The following ITIH5 variants were observed in gnomAD, a reference collection of about 807,000 sequenced individuals.
ITIH5 encodes inter-alpha-trypsin inhibitor heavy chain 5, also known as inter-alpha-trypsin inhibitor heavy chain H5.
A neutral mutation model predicts 77.5 loss-of-function variants in ITIH5; 65 were observed. The observed-to-expected ratio is 0.84, with a 90% confidence interval of 0.69 to 1.03. The LOEUF is 1.03. ITIH5 is among the 50% of genes least tolerant of loss of function. ITIH5 has a pLI of 0.00. For missense variants in ITIH5, 1,208 were observed against 1,213.1 expected (o/e 1.00, Z 0.06); for synonymous variants, 525 against 494.3 (o/e 1.06, Z -0.82).
intron 2 of ITIH5, among the ~76,000 whole-genome samples, chr10:7,642,347 A>G (rs1391452586): frequency 6.6e-6 from 1 of 152,218 alleles, no homozygotes; most frequent in African/African-American, 2.4e-5. Flanking sequence ...TAACAAGTGA[A>G]CACAGTGAAG....
Position 7,631,218 on chromosome 10 carries a change from C to T in ITIH5, c.652+6010G>A, listed in dbSNP as rs527513367. ...ATCGGCAGCTATTTGATTTCATTGGCATGGGTGAGGCTTAAGCAATAGATT... is the reference window on the plus strand; with the variant it reads ...ATCGGCAGCTATTTGATTTCATTGGTATGGGTGAGGCTTAAGCAATAGATT... On this transcript the variant is annotated intron_variant, in intron 5 of 13. Coordinates refer to ENST00000397146, the MANE Select transcript of ITIH5 (RefSeq NM_030569.7). Among the ~76,000 whole-genome samples the T allele has an allele frequency of 3.3e-5, 5 of 152,212 alleles. No homozygotes were observed. In the South Asian group the frequency reaches 1.0e-3, roughly 32 times the overall value.
At chr10:7,661,488 A>G (rs1834276251) in intron 1 of ITIH5, among the ~76,000 whole-genome samples, 1 of 152,144 alleles carries the variant, frequency 6.6e-6, no homozygotes, top group Admixed American at 6.5e-5. Flanking sequence ...ATGAGATGCC[A>G]TTTATCATGT....
chr10:7,614,427 C>T (rs1364317798), intron 7 of ITIH5, among the ~76,000 whole-genome samples: 2 of 152,212 alleles, frequency 1.3e-5, no homozygotes, highest in East Asian at 3.8e-4. Flanking sequence ...GCTTTGAATG[C>T]AGCCCAACAC....
intron 2 of ITIH5, among the ~76,000 whole-genome samples, chr10:7,650,736 C>CA (rs375912133): frequency 0.03 from 3,481 of 116,294 alleles, 59 homozygotes; most frequent in Non-Finnish European, 0.037. Flanking sequence ...AACTCCATCT[C>CA]AAAAAAAAAA....
chr10:7,624,863 ATGTATATATG>A (rs1422427732), intron 5 of ITIH5, among the ~76,000 whole-genome samples: 7 of 93,058 alleles, frequency 7.5e-5, no homozygotes, highest in South Asian at 3.6e-4. Context: ...ATGTGTATAT[ATGTATATATG>A]TATGTATATA....
chr10:7,590,874 G>C (rs763685222), intron 7 of ITIH5, among the ~76,000 whole-genome samples: 4 of 152,130 alleles, frequency 2.6e-5, no homozygotes, highest in Admixed American at 1.3e-4. Context: ...GCCCCTCGCT[G>C]CCCTCAGCAT....
intron 9 of ITIH5, 147 bp downstream of exon 9, chr10:7,579,608 G>A: frequency 1.3e-6 from 1 of 761,650 alleles, no homozygotes. Flanking sequence ...CAAAACACAT[G>A]GTGACACCTC....
intron 7 of ITIH5, among the ~76,000 whole-genome samples, chr10:7,590,470 C>T (rs762318080): frequency 7.2e-5 from 11 of 152,366 alleles, no homozygotes; most frequent in East Asian, 1.9e-4. Context: ...CCACACACCA[C>T]TTCAGAAACA....
chr10:7,606,103 C>T (rs1833120433), intron 7 of ITIH5, among the ~76,000 whole-genome samples: 1 of 152,214 alleles, frequency 6.6e-6, no homozygotes, highest in Non-Finnish European at 1.5e-5. Flanking sequence ...CATTTTATAA[C>T]AGATGCGGGC....
chr10:7,629,951 C>G (rs1420768966), intron 5 of ITIH5, among the ~76,000 whole-genome samples: 10 of 152,168 alleles, frequency 6.6e-5, no homozygotes, highest in Admixed American at 6.5e-4. Flanking sequence ...CTACCCTAGA[C>G]AAGTGAATTT....
chr10:7,568,759 T>G (rs1349116537), intron 12 of ITIH5, among the ~76,000 whole-genome samples: 1 of 152,166 alleles, frequency 6.6e-6, no homozygotes, highest in Non-Finnish European at 1.5e-5. Context: ...CTTGAAAAGC[T>G]TTCTCTGTGC....
At chr10:7,586,979 C>T (rs571912713) in intron 7 of ITIH5, among the ~76,000 whole-genome samples, 76 of 152,106 alleles carry the variant, frequency 5.0e-4, no homozygotes, top group Non-Finnish European at 9.6e-4. Flanking sequence ...TACAGGTGCA[C>T]GCCACCACGT....
Position 7,566,332 on chromosome 10 carries a change from C to A in ITIH5, c.2225G>T (p.Arg742Leu). 9.9e-6 allele frequency: 16 copies of A among 1,613,048 alleles called. No individual in the cohort carries two copies. Among genetic ancestry groups the A allele is most frequent in the Non-Finnish European group, 1.3e-5 (15 of 1,179,236 alleles). The change falls in exon 13 of 14, where the codon CGC (arginine) becomes CTC (leucine). Residue 742 changes from arginine (R) to leucine (L), a missense_variant. Arg to Leu is a moderately radical substitution (Grantham distance 102, BLOSUM62 -2). Transcript: ENST00000397146. ...NGHKKQRTYL[R>L]TITILINKPE... Reference sequence around the variant, plus strand: ...CTTGTTGATGAGGATGGTGATAGTGCGCAAGTAAGTGCGCTGTTTCTTGTG... The same window carrying A: ...CTTGTTGATGAGGATGGTGATAGTGAGCAAGTAAGTGCGCTGTTTCTTGTG...
chr10:7,630,160 TA>T lies in ITIH5; in HGVS notation c.652+7067del, dbSNP rs555991239. Among the ~76,000 whole-genome samples, 21 of 152,338 alleles carry T rather than the reference TA, an allele frequency of 1.4e-4. No individual in the cohort carries two copies. The East Asian group carries it at 4.0e-3, about 29-fold the overall frequency. ...TTTACTCTTTCTAGTCCTTGCTTTTTAAAAAAAGTTTTATGGAAGTTTAATT... is the reference window on the plus strand; with the variant it reads ...TTTACTCTTTCTAGTCCTTGCTTTTTAAAAAAGTTTTATGGAAGTTTAATT... On this transcript the variant is annotated intron_variant, in intron 5 of 13. Coordinates refer to ENST00000397146, the MANE Select transcript of ITIH5 (RefSeq NM_030569.7).
intron 1 of ITIH5, among the ~76,000 whole-genome samples, chr10:7,657,049 T>TC (rs1834198279): frequency 1.0e-5 from 1 of 99,922 alleles, no homozygotes; most frequent in Non-Finnish European, 2.1e-5. Context: ...GCCTTTTTTT[T>TC]TTTTTTTTTT....
At chr10:7,578,744 T>A (rs1246526290) in intron 9 of ITIH5, 2 of 152,220 alleles carry the variant, frequency 1.3e-5, no homozygotes, top group Non-Finnish European at 2.9e-5. Flanking sequence ...TATGCCACGA[T>A]GCAGATTAAA....
intron 5 of ITIH5, among the ~76,000 whole-genome samples, chr10:7,633,111 C>T (rs1403622121): frequency 6.6e-6 from 1 of 152,200 alleles, no homozygotes; most frequent in African/African-American, 2.4e-5. Context: ...TTCAAATACT[C>T]TGTTCCACTG....
At chr10:7,572,890 G>T (rs1287808119) in intron 11 of ITIH5, 2 of 329,250 alleles carry the variant, frequency 6.1e-6, no homozygotes, top group African/African-American at 4.6e-5. Context: ...TGATTCTCCT[G>T]CCTCAGCCTC....
Position 7,563,374 on chromosome 10 carries a change from C to G in ITIH5, c.2538G>C (p.Leu846=). The change falls in exon 14 of 14, where the codon CTG becomes CTC. Residue 846 remains leucine, a synonymous_variant. Coordinates refer to ENST00000397146, the MANE Select transcript of ITIH5 (RefSeq NM_030569.7). ...SNCHGLLGQF[L]NQDARLTEDP... ...CTTCTGTGAGTCTGGCATCCTGATT[C>G]AGGAACTGACCTGGGAGGACAAGGA... The G allele has an allele frequency of 6.2e-7, 1 of 1,612,464 alleles. No individual in the cohort carries two copies. The highest frequency in any genetic ancestry group is 8.5e-7 in the Non-Finnish European group (1 of 1,178,680).
Sources: allele counts gnomAD v4.1 joint callset (sites outside exome capture counted in the v4.1 genomes callset), GRCh38; gene constraint gnomAD v4.1.1; transcripts MANE v1.5; gene names NCBI Gene and HGNC (gene_info 2026-07-23, HGNC 2026-07-21).